The following NDUFB6 variants were observed in gnomAD, a reference collection of about 807,000 sequenced individuals.
NDUFB6 encodes the protein NADH dehydrogenase [ubiquinone] 1 beta subcomplex subunit 6.
A neutral mutation model predicts 17.5 loss-of-function variants in NDUFB6; 23 were observed. The ratio of observed to expected loss-of-function variants is 1.31; its 90% CI spans 0.94 to 1.86. NDUFB6 has a LOEUF of 1.86. NDUFB6 is among the 40% of genes most tolerant of loss of function. The pLI is 0.00. For synonymous variants in NDUFB6, 60 were observed against 53.5 expected, an observed-to-expected ratio of 1.12 and a Z score of -0.53; for missense variants, 167 against 153.8, an observed-to-expected ratio of 1.09 and a Z score of -0.46.
At chr9:32,566,726 C>A in intron 2 of NDUFB6, 1 of 898,102 alleles carries the variant, frequency 1.1e-6, no homozygotes. Flanking sequence ...ATCGGGACTC[C>A]AAGCCTTCAA....
At chr9:32,554,012 C>G in intron 3 of NDUFB6, 68 bp from the exon 4 acceptor site, 1 of 982,346 alleles carries the variant, frequency 1.0e-6, no homozygotes, top group South Asian at 1.5e-5. Flanking sequence ...CTATTCTGTT[C>G]TATGTTCATC....
intron 2 of NDUFB6, among the ~76,000 whole-genome samples, chr9:32,560,677 T>G (rs1821599989): frequency 6.6e-6 from 1 of 152,198 alleles, no homozygotes; most frequent in Non-Finnish European, 1.5e-5. Flanking sequence ...GAAATAAAAT[T>G]GAACACACAA....
At chr9:32,570,693 C>T (rs1213260826) in intron 2 of NDUFB6, among the ~76,000 whole-genome samples, 1 of 151,456 alleles carries the variant, frequency 6.6e-6, no homozygotes, top group Non-Finnish European at 1.5e-5. Context: ...CCAAATTTAC[C>T]CTAGTATTAT....
chr9:32,569,589 T>C (rs528978276), intron 2 of NDUFB6, among the ~76,000 whole-genome samples: 3 of 152,302 alleles, frequency 2.0e-5, no homozygotes, highest in Non-Finnish European at 2.9e-5. Flanking sequence ...TCACAGTTTA[T>C]TGCAGCCTCG....
intron 1 of NDUFB6, among the ~76,000 whole-genome samples, chr9:32,572,172 T>C (rs911397629): frequency 6.6e-6 from 1 of 152,236 alleles, no homozygotes; most frequent in Non-Finnish European, 1.5e-5. Flanking sequence ...GTTACTACTA[T>C]TATCCTGTCA....
chr9:32,562,221 C>A (rs1184308968), intron 2 of NDUFB6, among the ~76,000 whole-genome samples: 2 of 152,180 alleles, frequency 1.3e-5, no homozygotes, highest in Non-Finnish European at 2.9e-5. Context: ...TATCTTCCAA[C>A]TTTACTATAA....
chr9:32,566,895 G>C lies in NDUFB6; in HGVS notation c.273+4065C>G, dbSNP rs1296152773. 5.2e-6 allele frequency: 3 copies of C among 579,534 alleles called. No homozygotes were observed. In the Admixed American group the frequency reaches 7.1e-5, roughly 14 times the overall value. 35.9% of individuals were successfully genotyped at this position (579,534 alleles called of 1,614,324 possible). A position where few individuals can be genotyped will look rare whatever the true frequency, so the allele number is the denominator to read the frequency against. On this transcript the variant is annotated intron_variant, in intron 2 of 3. Coordinates refer to ENST00000379847, the MANE Select transcript of NDUFB6 (RefSeq NM_002493.5). ...ACGCGTGCGGCTGGCGAAAAGCACT[G>C]AGGAAGCACCCGATGTCACTCACAT...
rs1821919853 is a variant in NDUFB6 at position 32,570,822 on chromosome 9, CTTT to C, written c.273+135_273+137del. ...CCCAATTATGTAACTTTCATTAAAC[CTTT>C]TACCTAAGAGAATTCAAAGTACTTC... On this transcript the variant is annotated intron_variant, in intron 2 of 3. Transcript: ENST00000379847. 4.3e-5 allele frequency: 22 copies of C among 517,354 alleles called. No homozygotes were observed. In the Admixed American group the frequency reaches 6.2e-4, roughly 14 times the overall value. The allele number at this position is 517,354 out of a possible 1,614,324, so 32.0% of individuals were successfully genotyped here.
At chr9:32,569,347 T>G (rs545723770) in intron 2 of NDUFB6, among the ~76,000 whole-genome samples, 2 of 152,208 alleles carry the variant, frequency 1.3e-5, no homozygotes, top group South Asian at 4.2e-4. Flanking sequence ...ACCTCCCGAA[T>G]AGCTGGGACT....
At chr9:32,563,490 G>GTTTTTTTTTTTTTT (rs1239149080) in intron 2 of NDUFB6, among the ~76,000 whole-genome samples, 6 of 47,546 alleles carry the variant, frequency 1.3e-4, no homozygotes, top group African/African-American at 3.6e-4. Context: ...GGACTATTGG[G>GTTTTTTTTTTTTTT]CTTTTTTTTT....
intron 2 of NDUFB6, among the ~76,000 whole-genome samples, chr9:32,570,502 G>A (rs1439934094): frequency 6.6e-6 from 1 of 152,142 alleles, no homozygotes; most frequent in Admixed American, 6.5e-5. Flanking sequence ...GTGAAAAAGT[G>A]CAGGCATCTG....
At chr9:32,566,133 T>A (rs1464666626) in intron 2 of NDUFB6, 2 of 601,594 alleles carry the variant, frequency 3.3e-6, no homozygotes, top group Non-Finnish European at 6.0e-6. Flanking sequence ...AAGACGAGAA[T>A]ATGGTGTGTA....
At chr9:32,564,489 T>C (rs1821720691) in intron 2 of NDUFB6, among the ~76,000 whole-genome samples, 1 of 143,108 alleles carries the variant, frequency 7.0e-6, no homozygotes, top group South Asian at 2.3e-4. Context: ...ACACAACAAA[T>C]GTAAAAATTC....
intron 3 of NDUFB6, among the ~76,000 whole-genome samples, chr9:32,554,604 C>T (rs1821404501): frequency 1.3e-5 from 2 of 152,198 alleles, no homozygotes; most frequent in African/African-American, 4.8e-5. Flanking sequence ...AGAATTGTCC[C>T]CATACCCACC....
intron 2 of NDUFB6, chr9:32,566,157 C>T (rs1821782655): frequency 1.6e-5 from 11 of 696,308 alleles, no homozygotes; most frequent in Non-Finnish European, 2.9e-5. Context: ...GTCACTGGCG[C>T]TTTCACACAG....
In NDUFB6 at chr9:32,553,927, C is replaced by G; in HGVS notation, c.336G>C (p.Glu112Asp). ...SRIFPGDTIL[E>D]TGEVIPPMKE... ...TCATTGGTGGAATTACTTCTCCAGT[C>G]TCCAGAATTGTATCACCCTAGGAAA... Residue 112 changes from glutamate (E) to aspartate (D), a missense_variant, in exon 4 of 4, where the codon GAG becomes GAC. Physicochemically the swap from Glu to Asp is conservative, Grantham distance 45. Coordinates refer to ENST00000379847, the MANE Select transcript of NDUFB6 (RefSeq NM_002493.5). 1 of 1,595,984 alleles carries G rather than the reference C, an allele frequency of 6.3e-7. No individual in the cohort carries two copies. Among genetic ancestry groups the G allele is most frequent in the Non-Finnish European group, 8.6e-7 (1 of 1,165,110 alleles).
intron 2 of NDUFB6, chr9:32,566,926 T>C (rs376255076): frequency 5.6e-6 from 3 of 534,712 alleles, no homozygotes; most frequent in African/African-American, 3.8e-5. Flanking sequence ...CACATAGCCC[T>C]GCCAGGCCTG....
At chr9:32,558,257 G>A (rs971857086) in intron 3 of NDUFB6, among the ~76,000 whole-genome samples, 8 of 151,854 alleles carry the variant, frequency 5.3e-5, no homozygotes, top group African/African-American at 1.5e-4. Context: ...GACTACAGGC[G>A]CCCGCCACCA....
intron 3 of NDUFB6, among the ~76,000 whole-genome samples, chr9:32,555,061 CT>C (rs1481472725): frequency 6.6e-6 from 1 of 151,392 alleles, no homozygotes; most frequent in Non-Finnish European, 1.5e-5. Context: ...CGAGAGAACA[CT>C]TTGGTGCACG....
Sources: gnomAD v4.1 joint callset for allele counts (sites outside exome capture counted in the v4.1 genomes callset) on GRCh38, gnomAD v4.1.1 for gene constraint, MANE v1.5 for transcripts, NCBI Gene and HGNC (gene_info 2026-07-23, HGNC 2026-07-21) for gene names.